The following ITGBL1 variants were observed in gnomAD, a reference collection of about 807,000 sequenced individuals.
The protein encoded by ITGBL1 is integrin subunit beta like 1.
A neutral mutation model predicts 68.5 loss-of-function variants in ITGBL1; 51 were observed. The observed-to-expected ratio is 0.74, with a 90% CI of 0.59 to 0.94. ITGBL1 has a LOEUF of 0.94. ITGBL1 is among the 40% of genes least tolerant of loss of function. ITGBL1 has a pLI of 0.00. For missense variants in ITGBL1, 649 were observed against 647.4 expected, an observed-to-expected ratio of 1.00 and a Z score of -0.03; for synonymous variants, 209 against 227.3, an observed-to-expected ratio of 0.92 and a Z score of 0.72.
intron 2 of ITGBL1, among the ~76,000 whole-genome samples, chr13:101,519,445 A>C (rs931028700): frequency 1.3e-5 from 2 of 152,140 alleles, no homozygotes; most frequent in Non-Finnish European, 2.9e-5. Context: ...TGCCAAGTGC[A>C]GGCTAATCTG....
chr13:101,550,755 A>G (rs1289553385), intron 2 of ITGBL1, among the ~76,000 whole-genome samples: 1 of 152,162 alleles, frequency 6.6e-6, no homozygotes, highest in African/African-American at 2.4e-5. Context: ...GGAAGATTAA[A>G]CTTCACATTC....
At chr13:101,454,874 A>G (rs886202646) in intron 2 of ITGBL1, among the ~76,000 whole-genome samples, 8 of 152,218 alleles carry the variant, frequency 5.3e-5, no homozygotes, top group East Asian at 1.9e-4. Flanking sequence ...TTGAGTTGCA[A>G]TGAAACTTGG....
intron 2 of ITGBL1, among the ~76,000 whole-genome samples, chr13:101,518,075 T>G (rs1280428828): frequency 6.6e-6 from 1 of 152,226 alleles, no homozygotes; most frequent in East Asian, 1.9e-4. Flanking sequence ...AGAAAATGAC[T>G]ACATGTTTGT....
chr13:101,605,928 A>G (rs1412437768), intron 7 of ITGBL1, among the ~76,000 whole-genome samples: 1 of 97,174 alleles, frequency 1.0e-5, no homozygotes. Flanking sequence ...ATATAGACAT[A>G]TGTATGCGTG....
chr13:101,497,406 C>T (rs976346779), intron 2 of ITGBL1, among the ~76,000 whole-genome samples: 1 of 152,144 alleles, frequency 6.6e-6, no homozygotes, highest in Admixed American at 6.5e-5. Flanking sequence ...CAGCTTTAGA[C>T]ACAAGGCGAT....
chr13:101,542,266 C>T (rs1390642130), intron 2 of ITGBL1, among the ~76,000 whole-genome samples: 2 of 152,180 alleles, frequency 1.3e-5, no homozygotes, highest in African/African-American at 4.8e-5. Flanking sequence ...TCTTTGTTCT[C>T]ATTGGTTTCA....
At chr13:101,525,952 A>G (rs1276729483) in intron 2 of ITGBL1, among the ~76,000 whole-genome samples, 1 of 151,968 alleles carries the variant, frequency 6.6e-6, no homozygotes, top group Non-Finnish European at 1.5e-5. Flanking sequence ...TTGCATTTTC[A>G]TATATGTTCA....
At chr13:101,642,313 G>A (rs1175141746) in intron 7 of ITGBL1, among the ~76,000 whole-genome samples, 2 of 152,192 alleles carry the variant, frequency 1.3e-5, no homozygotes, top group African/African-American at 4.8e-5. Context: ...CTGATGGCCA[G>A]TGATGGTGAG....
At chr13:101,509,888 G>T (rs1485225940) in intron 2 of ITGBL1, among the ~76,000 whole-genome samples, 4 of 147,222 alleles carry the variant, frequency 2.7e-5, no homozygotes, top group Non-Finnish European at 4.5e-5. Flanking sequence ...AATGTCATTG[G>T]TTACTATAAC....
intron 7 of ITGBL1, among the ~76,000 whole-genome samples, chr13:101,653,279 G>T (rs1015425290): frequency 6.6e-6 from 1 of 152,094 alleles, no homozygotes; most frequent in Non-Finnish European, 1.5e-5. Context: ...GGAAAAGCCT[G>T]TTACTAGTGT....
At chr13:101,697,371 A>T (rs2034026467) in intron 8 of ITGBL1, among the ~76,000 whole-genome samples, 2 of 152,206 alleles carry the variant, frequency 1.3e-5, no homozygotes, top group Admixed American at 6.5e-5. Flanking sequence ...TATTTTCAAA[A>T]TATAAATTCA....
intron 7 of ITGBL1, among the ~76,000 whole-genome samples, chr13:101,635,325 T>C (rs2032135465): frequency 6.6e-6 from 1 of 152,064 alleles, no homozygotes; most frequent in Non-Finnish European, 1.5e-5. Context: ...ATAAAACACA[T>C]GTTAAATATC....
rs750171246 is a variant in ITGBL1, at chr13:101,579,290, A to G, written c.590A>G (p.His197Arg). 3 of 1,613,456 alleles carry G rather than the reference A, an allele frequency of 1.9e-6. No individual in the cohort carries two copies. The highest frequency in any genetic ancestry group is 3.3e-5 in the Admixed American group (2 of 59,956). Reference protein sequence around the residue: ...DDETEEICGGHGKCYCGNCYC... With the variant: ...DDETEEICGGRGKCYCGNCYC... Reference sequence around the variant, plus strand: ...ATAAAATTCATTTTGGGTAAAGGCCATGGGAAGTGTTACTGTGGAAACTGC... The same window carrying G: ...ATAAAATTCATTTTGGGTAAAGGCCGTGGGAAGTGTTACTGTGGAAACTGC... Residue 197 changes from histidine (H) to arginine (R), a missense_variant, in exon 5 of 11, where the codon CAT (histidine) becomes CGT (arginine). His to Arg is a conservative substitution (Grantham distance 29). Transcript: ENST00000376180.
At chr13:101,565,320 A>G (rs1275495066) in intron 2 of ITGBL1, among the ~76,000 whole-genome samples, 1 of 152,146 alleles carries the variant, frequency 6.6e-6, no homozygotes, top group Non-Finnish European at 1.5e-5. Flanking sequence ...TAGTCTGAAT[A>G]CTATTTTGTA....
chr13:101,469,945 G>A (rs2048434783), intron 2 of ITGBL1, among the ~76,000 whole-genome samples: 1 of 152,190 alleles, frequency 6.6e-6, no homozygotes, highest in Admixed American at 6.5e-5. Context: ...CTGCCTGTGT[G>A]ATCTTGCACA....
At chr13:101,546,632 C>A (rs2139201506) in intron 2 of ITGBL1, among the ~76,000 whole-genome samples, 1 of 151,932 alleles carries the variant, frequency 6.6e-6, no homozygotes, top group Middle Eastern at 3.4e-3. Context: ...ACAAACCTAA[C>A]AGAAAAGCAA....
chr13:101,460,463 A>G (rs1008497279), intron 2 of ITGBL1, among the ~76,000 whole-genome samples: 3 of 152,200 alleles, frequency 2.0e-5, no homozygotes, highest in African/African-American at 7.2e-5. Flanking sequence ...TGTTCGATAA[A>G]TGCATATTGT....
At chr13:101,498,506 G>A (rs941942807) in intron 2 of ITGBL1, among the ~76,000 whole-genome samples, 1 of 152,138 alleles carries the variant, frequency 6.6e-6, no homozygotes, top group African/African-American at 2.4e-5. Context: ...ACTTTTGTCA[G>A]CTTACATCTA....
At chr13:101,711,318 C>T (rs1309320659) in intron 9 of ITGBL1, 1 of 152,258 alleles carries the variant, frequency 6.6e-6, no homozygotes, top group Non-Finnish European at 1.5e-5. Context: ...TAAACTCTCA[C>T]AGTGATACTT....
Sources: gnomAD v4.1 joint callset for allele counts (sites outside exome capture counted in the v4.1 genomes callset) on GRCh38, gnomAD v4.1.1 for gene constraint, MANE v1.5 for transcripts, NCBI Gene and HGNC (gene_info 2026-07-23, HGNC 2026-07-21) for gene names.